Variants in FMN2 observed in about 807,000 individuals in gnomAD.
The protein encoded by FMN2 is formin 2.
A neutral mutation model predicts 142.3 loss-of-function variants in FMN2; 51 were observed. The observed-to-expected ratio is 0.36, with a 90% CI of 0.29 to 0.45. FMN2 has a LOEUF of 0.45. FMN2 is among the 20% of genes least tolerant of loss of function. The pLI, the probability that FMN2 is intolerant of heterozygous loss-of-function variation, is 1.00. For synonymous variants in FMN2, 882 were observed against 869.8 expected (o/e 1.01, Z -0.25); for missense variants, 1,936 against 2,122.8 (o/e 0.91, Z 1.73).
chr1:240,397,618 G>A (rs1368913299), intron 15 of FMN2, among the ~76,000 whole-genome samples: 2 of 151,622 alleles, frequency 1.3e-5, no homozygotes, highest in South Asian at 2.1e-4. Flanking sequence ...GCAAAACCCT[G>A]TCTCTACTAA....
chr1:240,147,554 A>C lies in FMN2; in HGVS notation c.1782+24209A>C, dbSNP rs1017605857. 2.6e-5 allele frequency among the ~76,000 whole-genome samples: 4 copies of C among 152,236 alleles called. 1 individual carries two copies. The highest frequency in any genetic ancestry group is 4.8e-5 in the African/African-American group (2 of 41,536). ...GTCACCCAGGCTGGAGTGCAATGGA[A>C]CAATCATAGCTCACTGCAGCCTGGA... On this transcript the variant is annotated intron_variant, in intron 2 of 17. Transcript: ENST00000319653.
At position 240,369,883 on chromosome 1, in the gene FMN2, G is replaced by A. The variant is rs549535305; in HGVS notation, c.4858+13975G>A. On this transcript the variant is annotated intron_variant, in intron 14 of 17. Coordinates refer to ENST00000319653, the MANE Select transcript of FMN2 (RefSeq NM_020066.5). Reference sequence around the variant, plus strand: ...TGCATGTTAGGATCACACATTGGGCGTTTGGGGCCTAATGCAGTGTGGTTG... The same window carrying A: ...TGCATGTTAGGATCACACATTGGGCATTTGGGGCCTAATGCAGTGTGGTTG... Among the ~76,000 whole-genome samples, 17 of 152,252 alleles carry A rather than the reference G, an allele frequency of 1.1e-4. No homozygotes were observed. The East Asian group carries it at 1.7e-3, about 16-fold the overall frequency.
intron 8 of FMN2, among the ~76,000 whole-genome samples, chr1:240,300,267 A>G (rs1670150789): frequency 6.6e-6 from 1 of 152,210 alleles, no homozygotes; most frequent in Admixed American, 6.5e-5. Flanking sequence ...GAAGTTTCAT[A>G]TGATCTCTAT....
At chr1:240,295,013 G>A (rs1669918258) in intron 8 of FMN2, 130 bp downstream of exon 8, 1 of 680,254 alleles carries the variant, frequency 1.5e-6, no homozygotes, top group African/African-American at 1.8e-5. Flanking sequence ...ATTTGCCTAA[G>A]TAGGTGTTTG....
intron 6 of FMN2, among the ~76,000 whole-genome samples, chr1:240,225,792 G>A (rs999174563): frequency 5.9e-5 from 9 of 152,048 alleles, no homozygotes; most frequent in African/African-American, 2.2e-4. Flanking sequence ...AGAACTCCAG[G>A]CAACTATTTG....
intron 2 of FMN2, among the ~76,000 whole-genome samples, chr1:240,156,914 G>A (rs1441154629): frequency 6.6e-6 from 1 of 152,170 alleles, no homozygotes; most frequent in Non-Finnish European, 1.5e-5. Flanking sequence ...TAGAAACAAA[G>A]AGGATTTACG....
At chr1:240,123,423 C>A in intron 2 of FMN2, 78 bp downstream of exon 2, 1 of 1,427,080 alleles carries the variant, frequency 7.0e-7, no homozygotes, top group South Asian at 1.4e-5. Context: ...TCTGCCCAGT[C>A]ACCCTATAAT....
chr1:240,330,987 A>G (rs1227884636), intron 11 of FMN2, among the ~76,000 whole-genome samples: 1 of 152,210 alleles, frequency 6.6e-6, no homozygotes, highest in Non-Finnish European at 1.5e-5. Flanking sequence ...TTTTTAATAT[A>G]AAAACAATAC....
At chr1:240,127,677 C>T (rs1021001323) in intron 2 of FMN2, among the ~76,000 whole-genome samples, 2 of 152,126 alleles carry the variant, frequency 1.3e-5, no homozygotes, top group Non-Finnish European at 2.9e-5. Flanking sequence ...CAGGGTCTCA[C>T]TGTGATGTCC....
chr1:240,112,278 C>G (rs558030409), intron 1 of FMN2, among the ~76,000 whole-genome samples: 1 of 151,904 alleles, frequency 6.6e-6, no homozygotes, highest in Non-Finnish European at 1.5e-5. Flanking sequence ...ACTACAGGCA[C>G]GCACCACCAC....
At chr1:240,384,968 C>CA (rs946085439) in intron 14 of FMN2, among the ~76,000 whole-genome samples, 4 of 152,138 alleles carry the variant, frequency 2.6e-5, no homozygotes, top group Non-Finnish European at 5.9e-5. Context: ...CTCCATCTAC[C>CA]ATTTTCTTAA....
At chr1:240,425,904 A>G (rs1674924751) in intron 15 of FMN2, among the ~76,000 whole-genome samples, 1 of 152,196 alleles carries the variant, frequency 6.6e-6, no homozygotes, top group Non-Finnish European at 1.5e-5. Context: ...TATAGTTACT[A>G]CCTGCTCCCT....
At chr1:240,138,185 G>A (rs1400253717) in intron 2 of FMN2, among the ~76,000 whole-genome samples, 1 of 152,028 alleles carries the variant, frequency 6.6e-6, no homozygotes, top group Non-Finnish European at 1.5e-5. Flanking sequence ...AGGAGCAGTA[G>A]GAAGCCGGTG....
chr1:240,093,882 C>T (rs542753774), intron 1 of FMN2, among the ~76,000 whole-genome samples, 158 bp downstream of exon 1: 1 of 152,236 alleles, frequency 6.6e-6, no homozygotes, highest in South Asian at 2.1e-4. Context: ...AGCTCACCCC[C>T]CACGGTGAAA....
At chr1:240,309,809 A>T (rs1195576068) in intron 8 of FMN2, among the ~76,000 whole-genome samples, 1 of 152,064 alleles carries the variant, frequency 6.6e-6, no homozygotes, top group African/African-American at 2.4e-5. Context: ...AAACTGAGGG[A>T]TGAGAGGCAG....
chr1:240,377,512 G>A (rs979774045), intron 14 of FMN2, among the ~76,000 whole-genome samples: 1 of 152,118 alleles, frequency 6.6e-6, no homozygotes, highest in African/African-American at 2.4e-5. Context: ...TATTAGCAGT[G>A]CTGTGTTCCT....
At chr1:240,436,571 G>T (rs1675378265) in intron 15 of FMN2, among the ~76,000 whole-genome samples, 1 of 151,950 alleles carries the variant, frequency 6.6e-6, no homozygotes, top group African/African-American at 2.4e-5. Flanking sequence ...CAGCTATTTG[G>T]GAGGCTGAGG....
At chr1:240,128,385 A>G (rs1487397427) in intron 2 of FMN2, among the ~76,000 whole-genome samples, 1 of 152,218 alleles carries the variant, frequency 6.6e-6, no homozygotes, top group Non-Finnish European at 1.5e-5. Context: ...CATATATTAT[A>G]TGATCTACTT....
intron 15 of FMN2, among the ~76,000 whole-genome samples, chr1:240,420,908 C>G (rs1674740666): frequency 6.6e-6 from 1 of 152,174 alleles, no homozygotes; most frequent in Non-Finnish European, 1.5e-5. Context: ...TTTGGAAAAA[C>G]AGGAAGGGAG....
Sources: gnomAD v4.1 joint callset for allele counts (sites outside exome capture counted in the v4.1 genomes callset) on GRCh38, gnomAD v4.1.1 for gene constraint, MANE v1.5 for transcripts, NCBI Gene and HGNC (gene_info 2026-07-23, HGNC 2026-07-21) for gene names.